EYS: variants seen among roughly 807,000 people sequenced by gnomAD.
The protein encoded by EYS is EGF-like photoreceptor maintenance factor, also known as protein eyes shut homolog.
EYS carries 250 observed loss-of-function variants against 282.1 expected under a neutral mutation model. That is an observed-to-expected ratio of 0.89 (90% confidence interval 0.80 to 0.98). The LOEUF (loss-of-function observed/expected upper bound fraction) is 0.98. Among genes scored for constraint, EYS ranks in the 50% least tolerant of loss-of-function variants. The pLI is 0.00. For synonymous variants in EYS, 1,355 were observed against 1,282.9 expected (o/e 1.06, Z -1.20); for missense variants, 4,016 against 3,709.0 (o/e 1.08, Z -2.15).
chr6:65,168,633 G>A (rs1765032956), intron 12 of EYS, among the ~76,000 whole-genome samples: 1 of 151,064 alleles, frequency 6.6e-6, no homozygotes, highest in Admixed American at 6.6e-5. Context: ...CATCATCTTG[G>A]GGGTTAGGAT....
At chr6:63,899,122 A>G (rs443657) in intron 35 of EYS, among the ~76,000 whole-genome samples, 135,598 of 151,868 alleles carry the variant, frequency 0.89, 61,035 homozygotes, top group Non-Finnish European at 0.95. Context: ...TTCTTAGAGA[A>G]CAGACAATTC....
intron 12 of EYS, among the ~76,000 whole-genome samples, chr6:65,134,533 G>T (rs1775968885): frequency 6.6e-6 from 1 of 152,052 alleles, no homozygotes; most frequent in Non-Finnish European, 1.5e-5. Flanking sequence ...ACTTATAAGG[G>T]GAAGCCAAAT....
At chr6:64,106,933 C>A (rs1360777042) in intron 31 of EYS, among the ~76,000 whole-genome samples, 4 of 150,870 alleles carry the variant, frequency 2.7e-5, no homozygotes. Context: ...CTCAAAGATT[C>A]TTTTCTCAGC....
chr6:63,929,302 G>C (rs1336122636), intron 35 of EYS, among the ~76,000 whole-genome samples: 1 of 151,934 alleles, frequency 6.6e-6, no homozygotes, highest in African/African-American at 2.4e-5. Context: ...TAGTCTGCAG[G>C]GTCTGTGTCA....
intron 11 of EYS, among the ~76,000 whole-genome samples, chr6:65,319,365 G>A (rs948534071): frequency 7.3e-5 from 11 of 151,476 alleles, no homozygotes; most frequent in Admixed American, 5.9e-4. Context: ...GGGCAACAGA[G>A]TGAGTCTCCA....
chr6:63,985,087 T>C (rs1767292604), intron 34 of EYS, among the ~76,000 whole-genome samples: 1 of 151,676 alleles, frequency 6.6e-6, no homozygotes, highest in Admixed American at 6.6e-5. Flanking sequence ...TTTATTAAGA[T>C]GAGGTCAATA....
intron 12 of EYS, among the ~76,000 whole-genome samples, chr6:65,221,852 A>G (rs925001483): frequency 6.6e-6 from 1 of 152,178 alleles, no homozygotes; most frequent in Admixed American, 6.5e-5. Context: ...GCCTGAGGCC[A>G]TCGGAACCCA....
chr6:65,335,626 T>C (rs1281282724), intron 10 of EYS, among the ~76,000 whole-genome samples: 1 of 151,616 alleles, frequency 6.6e-6, no homozygotes, highest in Non-Finnish European at 1.5e-5. Context: ...AAAGAGAACA[T>C]GGGATGTATG....
intron 35 of EYS, among the ~76,000 whole-genome samples, chr6:63,939,805 T>C (rs1333322053): frequency 6.6e-6 from 1 of 152,208 alleles, no homozygotes; most frequent in Non-Finnish European, 1.5e-5. Flanking sequence ...AAATCTATTA[T>C]AAATATTGAA....
At chr6:65,259,311 T>C (rs1403589230) in intron 12 of EYS, among the ~76,000 whole-genome samples, 1 of 152,014 alleles carries the variant, frequency 6.6e-6, no homozygotes, top group Non-Finnish European at 1.5e-5. Flanking sequence ...CAGCTGGAAA[T>C]ACAGAGTGAG....
chr6:65,021,111 G>T lies in EYS; in HGVS notation c.2138-23408C>A, dbSNP rs188825440. Among the ~76,000 whole-genome samples the T allele has an allele frequency of 1.2e-4, 18 of 152,310 alleles. No individual in the cohort carries two copies. In the East Asian group the frequency reaches 3.5e-3, roughly 29 times the overall value. On this transcript the variant is annotated intron_variant, in intron 13 of 42. Transcript: ENST00000503581. ...GAGACACTTTCCCCATTGTCTTGGT[G>T]ATTAACATTCTGCTCCTCATTACTT...
chr6:64,643,453 T>C (rs929513780), intron 22 of EYS, among the ~76,000 whole-genome samples: 3 of 152,238 alleles, frequency 2.0e-5, no homozygotes, highest in African/African-American at 7.2e-5. Flanking sequence ...AAAAGGTCTA[T>C]GCTCTTTGGA....
intron 12 of EYS, among the ~76,000 whole-genome samples, chr6:65,167,695 A>G (rs923472773): frequency 5.9e-5 from 9 of 151,272 alleles, no homozygotes; most frequent in African/African-American, 2.2e-4. Flanking sequence ...GCAACTATTG[A>G]TTATTATATC....
intron 35 of EYS, among the ~76,000 whole-genome samples, chr6:63,922,218 C>A (rs930114729): frequency 1.3e-5 from 2 of 152,192 alleles, no homozygotes; most frequent in African/African-American, 4.8e-5. Flanking sequence ...GTAACTCAAG[C>A]TGGCTAATAC....
At chr6:64,538,095 G>T (rs1390092552) in intron 26 of EYS, among the ~76,000 whole-genome samples, 1 of 152,134 alleles carries the variant, frequency 6.6e-6, no homozygotes, top group Non-Finnish European at 1.5e-5. Context: ...GAAATTTTTG[G>T]CAGAAGAATA....
chr6:65,602,325 T>C (rs1431233536), intron 2 of EYS, among the ~76,000 whole-genome samples: 1 of 151,952 alleles, frequency 6.6e-6, no homozygotes, highest in East Asian at 1.9e-4. Flanking sequence ...GTAATACATG[T>C]AAAAATGTAT....
At chr6:64,579,504 T>C (rs1191851362) in intron 26 of EYS, among the ~76,000 whole-genome samples, 4 of 152,086 alleles carry the variant, frequency 2.6e-5, no homozygotes, top group African/African-American at 7.2e-5. Context: ...GTTACTATTA[T>C]AATTATCCTT....
chr6:65,234,724 T>C (rs1352387991), intron 12 of EYS, among the ~76,000 whole-genome samples: 2 of 152,200 alleles, frequency 1.3e-5, no homozygotes, highest in East Asian at 1.9e-4. Context: ...CTATTTATAT[T>C]GTCAGTTAGC....
chr6:64,482,540 A>G (rs1182612972), intron 26 of EYS, among the ~76,000 whole-genome samples: 2 of 151,674 alleles, frequency 1.3e-5, no homozygotes, highest in Non-Finnish European at 3.0e-5. Flanking sequence ...TGGACATAGT[A>G]GTTTCTATCT....
Sources: gnomAD v4.1 joint callset for allele counts (sites outside exome capture counted in the v4.1 genomes callset) on GRCh38, gnomAD v4.1.1 for gene constraint, MANE v1.5 for transcripts, NCBI Gene and HGNC (gene_info 2026-07-23, HGNC 2026-07-21) for gene names.